The following PLAA variants were observed in gnomAD, a reference collection of about 807,000 sequenced individuals.
PLAA encodes the protein phospholipase A-2-activating protein.
In PLAA, 48 loss-of-function variants were observed where a neutral mutation model predicts 84.1. The observed-to-expected ratio is 0.57, with a 90% CI of 0.45 to 0.73. PLAA has a LOEUF of 0.73. Ranked by LOEUF, PLAA falls within the 30% of genes least tolerant of loss-of-function variation. PLAA has a pLI of 0.00. For synonymous variants in PLAA, 392 were observed against 336.6 expected (o/e 1.16, Z -1.80); for missense variants, 903 against 954.7 (o/e 0.95, Z 0.71).
intron 6 of PLAA, among the ~76,000 whole-genome samples, chr9:26,925,084 C>T (rs989229351): frequency 1.3e-5 from 2 of 152,118 alleles, no homozygotes; most frequent in Admixed American, 6.5e-5. Flanking sequence ...GATTGTTTTC[C>T]TTCTGGATTA....
chr9:26,920,296 T>G lies in PLAA; in HGVS notation c.1128A>C (p.Lys376Asn). Residue 376 changes from lysine (K) to asparagine (N), a missense_variant, in exon 8 of 14, where the codon AAA (lysine) becomes AAC (asparagine). Lys to Asn is a moderately conservative substitution (Grantham distance 94). Transcript: ENST00000397292. Reference protein sequence around the residue: ...QWSVSEGRWIKIGDVVGSSGA... With the variant: ...QWSVSEGRWINIGDVVGSSGA... ...CAGATGAGCCAACAACATCACCAAT[T>G]TTTATCCACCTCCCTTCACTAACAC... 6.2e-7 allele frequency: 1 copy of G among 1,613,944 alleles called. No homozygotes were observed.
In PLAA at chr9:26,934,475, CTTTTTTTTTTT is replaced by C. The variant is rs67138338; in HGVS notation, c.343+527_343+537del. On this transcript the variant is annotated intron_variant, in intron 2 of 13. Coordinates refer to ENST00000397292, the MANE Select transcript of PLAA (RefSeq NM_001031689.3). The stretch of plus-strand genomic sequence containing the variant: ...GCCTCTTTTATTACTGAACACTTTA[CTTTTTTTTTTT>C]TTTTTTTTTTTTGAGACAGTCTCCA... Among the ~76,000 whole-genome samples the C allele has an allele frequency of 1.4e-3, 132 of 93,338 alleles. 2 individuals are homozygous for C. The highest frequency in any genetic ancestry group is 4.1e-3 in the South Asian group (9 of 2,194). The allele number at this position is 93,338 out of a possible 152,430, so 61.2% of individuals were successfully genotyped here.
Position 26,947,216 on chromosome 9 carries a change from G to T in PLAA, c.-171C>A. The T allele has an allele frequency of 1.4e-6, 1 of 696,766 alleles. No homozygotes were observed. Among genetic ancestry groups the T allele is most frequent in the Non-Finnish European group, 2.3e-6 (1 of 444,084 alleles). 43.2% of individuals were successfully genotyped at this position (696,766 alleles called of 1,614,324 possible). A position where few individuals can be genotyped will look rare whatever the true frequency, so the allele number is the denominator to read the frequency against. On this transcript the variant is annotated 5_prime_UTR_variant, in exon 1 of 14. Coordinates refer to ENST00000397292, the MANE Select transcript of PLAA (RefSeq NM_001031689.3). The stretch of plus-strand genomic sequence containing the variant: ...AAGGGCGGCTGGGAAGGGGCGCGCC[G>T]AGCGGGCCGAGTGACACAGCAAGCC...
intron 13 of PLAA, among the ~76,000 whole-genome samples, chr9:26,907,050 A>G (rs1206923068): frequency 1.3e-5 from 2 of 151,986 alleles, no homozygotes; most frequent in Non-Finnish European, 2.9e-5. Context: ...AAAAAAAAAA[A>G]AAGACTTTTT....
chr9:26,933,813 A>T (rs111344509), intron 2 of PLAA, among the ~76,000 whole-genome samples: 176 of 146,216 alleles, frequency 1.2e-3, no homozygotes, highest in African/African-American at 1.9e-3. Flanking sequence ...AAAAAAAAAA[A>T]TTTTTTGTTT....
intron 1 of PLAA, among the ~76,000 whole-genome samples, chr9:26,940,337 A>G (rs762487141): frequency 3.3e-5 from 5 of 152,238 alleles, no homozygotes; most frequent in Non-Finnish European, 7.3e-5. Flanking sequence ...GGAAATTCTG[A>G]CATATGCTAC....
At chr9:26,933,345 GA>G (rs1173210544) in intron 2 of PLAA, among the ~76,000 whole-genome samples, 1 of 151,324 alleles carries the variant, frequency 6.6e-6, no homozygotes, top group Non-Finnish European at 1.5e-5. Context: ...TGAGGCAGGA[GA>G]ATCGCTTCAA....
chr9:26,916,887 T>A (rs1334228373), intron 10 of PLAA, among the ~76,000 whole-genome samples: 1 of 151,936 alleles, frequency 6.6e-6, no homozygotes, highest in Non-Finnish European at 1.5e-5. Context: ...ATTCTAATAA[T>A]ATGCTATTTA....
At chr9:26,934,390 A>G (rs1248487115) in intron 2 of PLAA, among the ~76,000 whole-genome samples, 1 of 152,124 alleles carries the variant, frequency 6.6e-6, no homozygotes, top group African/African-American at 2.4e-5. Context: ...TTCTGAATAA[A>G]TGCATTCATT....
Position 26,905,991 on chromosome 9 carries a change from C to T in PLAA, c.1908G>A (p.Gly636=). 1 of 1,613,652 alleles carries T rather than the reference C, an allele frequency of 6.2e-7. No homozygotes were observed. Among genetic ancestry groups the T allele is most frequent in the Non-Finnish European group, 8.5e-7 (1 of 1,179,756 alleles). ...VNENFCNEKE[G]AQFSSHLINL... The stretch of plus-strand genomic sequence containing the variant: ...TGATAAGATGACTGCTGAACTGAGC[C>T]CCTTCCTTTTCATTGCAGAAGTTCT... Residue 636 remains glycine (G), a synonymous_variant, in exon 14 of 14, where the codon GGG becomes GGA. Transcript: ENST00000397292.
intron 10 of PLAA, 140 bp downstream of exon 10, chr9:26,916,957 A>G (rs1232025332): frequency 1.3e-6 from 1 of 745,174 alleles, no homozygotes; most frequent in Non-Finnish European, 2.2e-6. Flanking sequence ...GAAGTTAAAG[A>G]AAAGGAAATC....
intron 4 of PLAA, 86 bp downstream of exon 4, chr9:26,928,014 A>G: frequency 7.1e-7 from 1 of 1,404,604 alleles, no homozygotes; most frequent in Non-Finnish European, 9.7e-7. Context: ...TTTTTCAAAT[A>G]TTTTCATGCT....
rs947675741 is a variant in PLAA at position 26,903,950 on chromosome 9, G to A, written c.*1561C>T. 6.5e-6 allele frequency: 1 copy of A among 153,698 alleles called. No homozygotes were observed. Among genetic ancestry groups the A allele is most frequent in the Non-Finnish European group, 1.5e-5 (1 of 68,010 alleles). The allele number at this position is 153,698 out of a possible 1,614,324, so 9.5% of individuals were successfully genotyped here. A position where few individuals can be genotyped will look rare whatever the true frequency, so the allele number is the denominator to read the frequency against. On this transcript the variant is annotated 3_prime_UTR_variant, in exon 14 of 14. Transcript: ENST00000397292. ...AAAGCAGTGTATTGTAAAGGAACCA[G>A]CCAGACCTGGGTTAAATTCCTAATT...
At chr9:26,924,623 T>C (rs10511793) in intron 6 of PLAA, among the ~76,000 whole-genome samples, 31,862 of 152,120 alleles carry the variant, frequency 0.21, 4,020 homozygotes, top group African/African-American at 0.35. Context: ...CTTTCCATTC[T>C]TTGACTCCTC....
At chr9:26,907,677 C>G in intron 13 of PLAA, 157 bp downstream of exon 13, 1 of 577,462 alleles carries the variant, frequency 1.7e-6, no homozygotes, top group Non-Finnish European at 3.0e-6. Flanking sequence ...ATCATCAATT[C>G]CAGTAGTGTA....
chr9:26,934,260 T>C (rs1047559499), intron 2 of PLAA, among the ~76,000 whole-genome samples: 1 of 152,168 alleles, frequency 6.6e-6, no homozygotes, highest in Non-Finnish European at 1.5e-5. Context: ...TCCAGAATTA[T>C]CACAGAATCA....
rs111826044 is a variant in PLAA, at chr9:26,947,074, C to T, written c.-29G>A. 5.7e-5 allele frequency: 88 copies of T among 1,545,300 alleles called. 4 individuals carry two copies. The African/African-American group carries it at 6.3e-4, about 11-fold the overall frequency. ...CAGTGTCTGTCTGGCGCCCGGTGCC[C>T]AGGCACTGTGCGAGACCAGTCCGCA... On this transcript the variant is annotated 5_prime_UTR_variant, in exon 1 of 14. Coordinates refer to ENST00000397292, the MANE Select transcript of PLAA (RefSeq NM_001031689.3).
intron 1 of PLAA, 117 bp downstream of exon 1, chr9:26,946,780 G>T: frequency 1.7e-6 from 2 of 1,167,556 alleles, no homozygotes; most frequent in Non-Finnish European, 2.3e-6. Flanking sequence ...GGAGCGGAGA[G>T]CAGAGGGAAG....
At position 26,935,183 on chromosome 9, in the gene PLAA, A is replaced by C. The variant is rs1563918443; in HGVS notation, c.173T>G (p.Met58Arg). ...PDSPNRSFTE[M>R]HCMSGHSNFV... The stretch of plus-strand genomic sequence containing the variant: ...ATTGGAATGGCCACTCATACAGTGC[A>C]TTTCTGTAAAGCTCCTGTTTGGACT... The change falls in exon 2 of 14, where the codon ATG becomes AGG. Residue 58 changes from methionine to arginine, a missense_variant. Physicochemically the swap from Met to Arg is moderately conservative, Grantham distance 91. Transcript: ENST00000397292. 6.3e-7 allele frequency: 1 copy of C among 1,579,990 alleles called. No homozygotes were observed. The highest frequency in any genetic ancestry group is 8.6e-7 in the Non-Finnish European group (1 of 1,168,558).
Sources: gnomAD v4.1 joint callset for allele counts (sites outside exome capture counted in the v4.1 genomes callset) on GRCh38, gnomAD v4.1.1 for gene constraint, MANE v1.5 for transcripts, NCBI Gene and HGNC (gene_info 2026-07-23, HGNC 2026-07-21) for gene names.